The following KIAA1217 variants were observed in gnomAD, a reference collection of about 807,000 sequenced individuals.
KIAA1217 encodes sickle tail protein homolog.
A neutral mutation model predicts 163.9 loss-of-function variants in KIAA1217; 88 were observed. The observed-to-expected ratio is 0.54, with a 90% CI of 0.45 to 0.64. KIAA1217 has a LOEUF of 0.64. Among genes scored for constraint, KIAA1217 ranks in the 30% least tolerant of loss-of-function variants. KIAA1217 has a pLI of 0.00. For missense variants in KIAA1217, 2,372 were observed against 2,475.0 expected, an observed-to-expected ratio of 0.96 and a Z score of 0.88; for synonymous variants, 903 against 923.1, an observed-to-expected ratio of 0.98 and a Z score of 0.39.
chr10:24,046,218 A>G (rs1849015216), intron 2 of KIAA1217, among the ~76,000 whole-genome samples: 1 of 152,034 alleles, frequency 6.6e-6, no homozygotes, highest in African/African-American at 2.4e-5. Flanking sequence ...TCTCTTATAT[A>G]TTTGTGATGA....
intron 14 of KIAA1217, among the ~76,000 whole-genome samples, chr10:24,528,465 T>C (rs2072575464): frequency 2.0e-5 from 3 of 151,886 alleles, no homozygotes; most frequent in Admixed American, 2.0e-4. Context: ...GCTAGGGCTG[T>C]AGATGTGTAC....
chr10:23,944,828 G>T (rs962873651), intron 1 of KIAA1217, among the ~76,000 whole-genome samples: 1 of 152,144 alleles, frequency 6.6e-6, no homozygotes, highest in Non-Finnish European at 1.5e-5. Flanking sequence ...GGAGGCCAAG[G>T]TGGGTGGATC....
At chr10:24,024,666 G>A (rs551233250) in intron 2 of KIAA1217, among the ~76,000 whole-genome samples, 66 of 151,608 alleles carry the variant, frequency 4.4e-4, no homozygotes, top group Admixed American at 1.3e-3. Flanking sequence ...TGGTTGTATC[G>A]TTTTGCATTT....
chr10:24,053,488 T>G (rs1849668218), intron 2 of KIAA1217, among the ~76,000 whole-genome samples: 1 of 152,146 alleles, frequency 6.6e-6, no homozygotes, highest in Non-Finnish European at 1.5e-5. Context: ...GCTAATAAAC[T>G]TAAGTAGTTC....
intron 3 of KIAA1217, among the ~76,000 whole-genome samples, chr10:24,389,550 TA>T (rs113154724): frequency 0.18 from 25,171 of 138,056 alleles, 2,416 homozygotes; most frequent in South Asian, 0.33. Context: ...TAAAGTATAA[TA>T]AAAAAAAAAA....
chr10:24,332,732 G>A (rs1331731231), intron 2 of KIAA1217, among the ~76,000 whole-genome samples: 1 of 152,170 alleles, frequency 6.6e-6, no homozygotes, highest in Non-Finnish European at 1.5e-5. Context: ...CATGTAAAGT[G>A]TGTTTAATTA....
chr10:24,124,039 G>T (rs946736195), intron 2 of KIAA1217, among the ~76,000 whole-genome samples: 6 of 152,120 alleles, frequency 3.9e-5, no homozygotes, highest in Non-Finnish European at 8.8e-5. Flanking sequence ...TCATATAGAA[G>T]TTAAAAGTTT....
intron 2 of KIAA1217, among the ~76,000 whole-genome samples, chr10:24,321,590 G>T (rs1304899068): frequency 6.6e-6 from 1 of 152,152 alleles, no homozygotes; most frequent in African/African-American, 2.4e-5. Context: ...TGGATAAAAT[G>T]TGAAGGAAAT....
intron 1 of KIAA1217, among the ~76,000 whole-genome samples, chr10:23,918,543 C>T (rs567393396): frequency 1.3e-5 from 2 of 152,198 alleles, no homozygotes; most frequent in South Asian, 2.1e-4. Context: ...ACCATTCCCA[C>T]GGTAGCTCCA....
intron 2 of KIAA1217, among the ~76,000 whole-genome samples, chr10:24,286,048 T>C (rs1050428807): frequency 6.6e-6 from 1 of 152,196 alleles, no homozygotes; most frequent in African/African-American, 2.4e-5. Context: ...TACTGATTTT[T>C]GTATGTTGAT....
chr10:23,913,780 C>A (rs1277025317), intron 1 of KIAA1217, among the ~76,000 whole-genome samples: 1 of 152,136 alleles, frequency 6.6e-6, no homozygotes, highest in Non-Finnish European at 1.5e-5. Context: ...TTTTCTCATT[C>A]TGTTTTTTAC....
At chr10:23,732,403 T>C (rs1838526417) in intron 1 of KIAA1217, among the ~76,000 whole-genome samples, 1 of 152,132 alleles carries the variant, frequency 6.6e-6, no homozygotes. Flanking sequence ...AATAGAAATT[T>C]AAAAATCAAT....
At chr10:24,314,748 C>T (rs1240007584) in intron 2 of KIAA1217, among the ~76,000 whole-genome samples, 1 of 151,980 alleles carries the variant, frequency 6.6e-6, no homozygotes, top group Non-Finnish European at 1.5e-5. Context: ...TGAGACCATC[C>T]TGGCTAACAC....
intron 2 of KIAA1217, among the ~76,000 whole-genome samples, chr10:24,078,924 C>A (rs1027908933): frequency 5.9e-5 from 9 of 152,176 alleles, no homozygotes; most frequent in African/African-American, 1.7e-4. Flanking sequence ...CCAAAGGATC[C>A]CTCGTTAAAA....
intron 1 of KIAA1217, among the ~76,000 whole-genome samples, chr10:23,927,462 CA>C (rs1355378582): frequency 6.6e-6 from 1 of 151,912 alleles, no homozygotes. Context: ...TAGTGCCACA[CA>C]AAACTAGTAG....
At chr10:24,148,990 C>A (rs2064473430) in intron 2 of KIAA1217, among the ~76,000 whole-genome samples, 1 of 152,112 alleles carries the variant, frequency 6.6e-6, no homozygotes, top group South Asian at 2.1e-4. Context: ...CAGATAAGCT[C>A]ATTCTGTGTT....
intron 5 of KIAA1217, among the ~76,000 whole-genome samples, chr10:24,471,720 T>C (rs945714448): frequency 2.6e-5 from 4 of 151,890 alleles, no homozygotes; most frequent in African/African-American, 9.7e-5. Flanking sequence ...CCGTCTCTAC[T>C]AAAAATGCAA....
intron 5 of KIAA1217, among the ~76,000 whole-genome samples, chr10:24,460,136 AC>A (rs1045324168): frequency 5.9e-5 from 9 of 152,180 alleles, no homozygotes; most frequent in Non-Finnish European, 1.0e-4. Context: ...CTTCAACTAA[AC>A]CCAAGGAAAG....
In KIAA1217 at chr10:24,196,172, C is replaced by CACACACACACACAT. The variant is rs1222471443; in HGVS notation, c.-170-23454_-170-23453insACACACACACACAT. ...ACACACACACACACACACACACACA[C>CACACACACACACAT]TGCCCTCACAAGTTGGAGCATACTT... On this transcript the variant is annotated intron_variant, in intron 2 of 18. Transcript: ENST00000376462. Among the ~76,000 whole-genome samples, 1,015 of 146,640 alleles carry CACACACACACACAT rather than the reference C, an allele frequency of 6.9e-3. 14 individuals are homozygous for CACACACACACACAT. The highest frequency in any genetic ancestry group is 0.025 in the African/African-American group (982 of 40,012).
Sources: gnomAD v4.1 joint callset for allele counts (sites outside exome capture counted in the v4.1 genomes callset) on GRCh38, gnomAD v4.1.1 for gene constraint, MANE v1.5 for transcripts, NCBI Gene and HGNC (gene_info 2026-07-23, HGNC 2026-07-21) for gene names.